DISC1: variants seen among roughly 807,000 people sequenced by gnomAD.
DISC1 encodes disrupted in schizophrenia 1 protein.
DISC1 carries 57 observed loss-of-function variants against 84.5 expected under a neutral mutation model. That is an observed-to-expected ratio of 0.67 (90% CI 0.55 to 0.84). The LOEUF is 0.84. Among genes scored for constraint, DISC1 ranks in the 40% least tolerant of loss-of-function variants. The probability of loss-of-function intolerance (pLI) is 0.00; values close to 1 mark genes in which losing one functional copy is unlikely to be tolerated. For synonymous variants in DISC1, 411 were observed against 415.2 expected (o/e 0.99, Z 0.12); for missense variants, 1,000 against 1,057.8 (o/e 0.95, Z 0.76).
At chr1:231,715,538 C>T (rs898277044) in intron 3 of DISC1, among the ~76,000 whole-genome samples, 10 of 152,062 alleles carry the variant, frequency 6.6e-5, no homozygotes, top group Non-Finnish European at 8.8e-5. Flanking sequence ...GCTGTTTTTC[C>T]GGGAGCTTTA....
intron 1 of DISC1, among the ~76,000 whole-genome samples, chr1:231,680,183 G>C (rs1189473697): frequency 6.6e-6 from 1 of 152,122 alleles, no homozygotes. Flanking sequence ...AGCCGAGATC[G>C]TGCCACTGCA....
At chr1:231,746,440 A>G (rs1341148155) in intron 3 of DISC1, among the ~76,000 whole-genome samples, 2 of 150,396 alleles carry the variant, frequency 1.3e-5, no homozygotes, top group South Asian at 2.1e-4. Context: ...TGAGATGCTG[A>G]TTTCCTTTCT....
intron 9 of DISC1, among the ~76,000 whole-genome samples, chr1:231,932,884 TG>T (rs2090755216): frequency 6.6e-6 from 1 of 152,220 alleles, no homozygotes; most frequent in South Asian, 2.1e-4. Flanking sequence ...AATCGTATTT[TG>T]CCTCTAATTC....
At chr1:231,876,867 C>A (rs2085922745) in intron 9 of DISC1, among the ~76,000 whole-genome samples, 1 of 152,138 alleles carries the variant, frequency 6.6e-6, no homozygotes, top group Admixed American at 6.5e-5. Flanking sequence ...TTCTTTGCTT[C>A]CCACCCTCAT....
At chr1:231,660,309 T>A (rs2125363233) in intron 1 of DISC1, among the ~76,000 whole-genome samples, 1 of 152,210 alleles carries the variant, frequency 6.6e-6, no homozygotes, top group East Asian at 1.9e-4. Flanking sequence ...CTTTTTTCTG[T>A]TTTCCATTTG....
At chr1:231,715,720 C>T (rs201309029) in intron 3 of DISC1, among the ~76,000 whole-genome samples, 186 of 152,328 alleles carry the variant, frequency 1.2e-3, no homozygotes, top group Middle Eastern at 6.8e-3. Flanking sequence ...AACTCTTAAT[C>T]AGCCTGGGAT....
chr1:231,834,897 G>A lies in DISC1; in HGVS notation c.1981+16380G>A, dbSNP rs1285056903. Among the ~76,000 whole-genome samples the A allele has an allele frequency of 1.3e-5, 2 of 152,202 alleles. 1 individual carries two copies. Among genetic ancestry groups the A allele is most frequent in the South Asian group, 4.1e-4 (2 of 4,834 alleles). On this transcript the variant is annotated intron_variant, in intron 9 of 12. Coordinates refer to ENST00000439617, the MANE Select transcript of DISC1 (RefSeq NM_018662.3). ...ATCCCCGTGTGATTAAACACCAAGC[G>A]AAGACTGTCTTCCCGAGTCCGTGAA... is the stretch of plus-strand genomic sequence containing the variant.
At chr1:232,029,878 A>C (rs145197241) in intron 12 of DISC1, among the ~76,000 whole-genome samples, 1 of 152,338 alleles carries the variant, frequency 6.6e-6, no homozygotes, top group East Asian at 1.9e-4. Flanking sequence ...TCCTGATTTA[A>C]TATCCGAGTT....
chr1:231,668,599 T>C (rs2062251997), intron 1 of DISC1, among the ~76,000 whole-genome samples: 1 of 152,184 alleles, frequency 6.6e-6, no homozygotes, highest in African/African-American at 2.4e-5. Flanking sequence ...TTTAACCTTC[T>C]CTAACTCTCA....
At position 231,834,871 on chromosome 1, in the gene DISC1, C is replaced by T. The variant is rs1294998524; in HGVS notation, c.1981+16354C>T. 4.6e-5 allele frequency among the ~76,000 whole-genome samples: 7 copies of T among 152,278 alleles called. No homozygotes were observed. The East Asian group carries it at 1.4e-3, about 29-fold the overall frequency. Reference sequence around the variant, plus strand: ...AAACGTGGGTGAATAATCATGCAGACATCCCCGTGTGATTAAACACCAAGC... The same window carrying T: ...AAACGTGGGTGAATAATCATGCAGATATCCCCGTGTGATTAAACACCAAGC... On this transcript the variant is annotated intron_variant, in intron 9 of 12. Transcript: ENST00000439617.
intron 1 of DISC1, among the ~76,000 whole-genome samples, chr1:231,687,517 C>T (rs989670716): frequency 6.6e-6 from 1 of 152,156 alleles, no homozygotes; most frequent in African/African-American, 2.4e-5. Flanking sequence ...AGGTCCCCTC[C>T]CACACAACAT....
chr1:231,964,664 T>C (rs763393486), intron 10 of DISC1, among the ~76,000 whole-genome samples: 5 of 152,226 alleles, frequency 3.3e-5, no homozygotes, highest in Non-Finnish European at 5.9e-5. Flanking sequence ...CCAGTAGTTA[T>C]GGTTGTTTTC....
intron 9 of DISC1, among the ~76,000 whole-genome samples, chr1:231,863,544 T>A (rs1244478154): frequency 6.6e-6 from 1 of 152,216 alleles, no homozygotes; most frequent in Non-Finnish European, 1.5e-5. Context: ...AACATTCTTT[T>A]AACAAAAGCA....
chr1:231,805,861 A>T (rs2079667700), intron 8 of DISC1, among the ~76,000 whole-genome samples: 1 of 152,216 alleles, frequency 6.6e-6, no homozygotes, highest in Admixed American at 6.5e-5. Flanking sequence ...GAAACTCACC[A>T]GGGCAGAGAG....
chr1:232,014,766 A>G (rs556652260), intron 11 of DISC1, among the ~76,000 whole-genome samples: 2 of 152,180 alleles, frequency 1.3e-5, no homozygotes, highest in East Asian at 3.9e-4. Context: ...TGGTGTCTTT[A>G]AAGTGGGCTG....
chr1:231,749,754 GA>G (rs1002651239), intron 3 of DISC1, among the ~76,000 whole-genome samples, 171 bp from the exon 4 acceptor site: 11 of 152,306 alleles, frequency 7.2e-5, no homozygotes, highest in African/African-American at 2.6e-4. Flanking sequence ...GTGCAAAGAA[GA>G]TTCTTAGAAG....
chr1:231,704,394 C>A (rs1005589253), intron 3 of DISC1, among the ~76,000 whole-genome samples: 5 of 152,192 alleles, frequency 3.3e-5, no homozygotes, highest in African/African-American at 1.2e-4. Flanking sequence ...TATTAAGTAT[C>A]CATCGTATAC....
chr1:231,976,763 C>T (rs1558800350), intron 10 of DISC1, among the ~76,000 whole-genome samples: 1 of 152,198 alleles, frequency 6.6e-6, no homozygotes, highest in African/African-American at 2.4e-5. Flanking sequence ...ATACTTATGG[C>T]ACAAATACCT....
chr1:231,844,140 C>T (rs991433328), intron 9 of DISC1, among the ~76,000 whole-genome samples: 4 of 152,216 alleles, frequency 2.6e-5, no homozygotes, highest in African/African-American at 9.6e-5. Flanking sequence ...GTGGGGTTCC[C>T]CTGCCTTTAG....
Sources: allele counts gnomAD v4.1 joint callset (sites outside exome capture counted in the v4.1 genomes callset), GRCh38; gene constraint gnomAD v4.1.1; transcripts MANE v1.5; gene names NCBI Gene and HGNC (gene_info 2026-07-23, HGNC 2026-07-21).